The following ARHGEF10 variants were observed in gnomAD, a reference collection of about 807,000 sequenced individuals.
The protein encoded by ARHGEF10 is Rho guanine nucleotide exchange factor 10, also known as Rho guanine nucleotide exchange factor (GEF) 10.
A neutral mutation model predicts 147.4 loss-of-function variants in ARHGEF10; 140 were observed. That is an observed-to-expected ratio of 0.95 (90% CI 0.83 to 1.09). The LOEUF (loss-of-function observed/expected upper bound fraction) is 1.09, where lower values mean the gene tolerates loss of function less well. ARHGEF10 is among the 50% of genes least tolerant of loss of function. The pLI, the probability that ARHGEF10 is intolerant of heterozygous loss-of-function variation, is 0.00. For missense variants in ARHGEF10, 2,222 were observed against 1,752.7 expected (o/e 1.27, Z -4.78); for synonymous variants, 902 against 695.8 (o/e 1.30, Z -4.67).
At chr8:1,854,474 A>G (rs1018346224) in intron 2 of ARHGEF10, among the ~76,000 whole-genome samples, 2 of 152,216 alleles carry the variant, frequency 1.3e-5, no homozygotes, top group African/African-American at 2.4e-5. Context: ...TGTAACACAC[A>G]TCATTCTGCA....
chr8:1,945,846 G>T (rs754650333), intron 27 of ARHGEF10, 191 bp downstream of exon 27: 11 of 839,786 alleles, frequency 1.3e-5, no homozygotes, highest in African/African-American at 3.8e-5. Context: ...CCACTTTAGC[G>T]CTTCCCGGTG....
intron 15 of ARHGEF10, among the ~76,000 whole-genome samples, chr8:1,900,037 T>G (rs562703747): frequency 3.3e-5 from 5 of 152,378 alleles, no homozygotes; most frequent in African/African-American, 1.2e-4. Context: ...CTGACTGTGT[T>G]GTGAGGTCAC....
At chr8:1,926,510 C>T (rs549446946) in intron 23 of ARHGEF10, 47 bp downstream of exon 23, 28 of 1,542,834 alleles carry the variant, frequency 1.8e-5, no homozygotes, top group East Asian at 1.3e-4. Context: ...AGAGAATCAA[C>T]GTTCATGGTC....
At chr8:1,910,583 TC>T (rs1249758803) in intron 18 of ARHGEF10, among the ~76,000 whole-genome samples, 1 of 152,140 alleles carries the variant, frequency 6.6e-6, no homozygotes, top group Non-Finnish European at 1.5e-5. Flanking sequence ...AAAGAGCTGT[TC>T]TGGGGGGTGG....
chr8:1,867,679 G>A (rs1479909926), intron 6 of ARHGEF10, among the ~76,000 whole-genome samples: 1 of 152,194 alleles, frequency 6.6e-6, no homozygotes, highest in African/African-American at 2.4e-5. Context: ...AAGGCTGAAA[G>A]ATTTTTAGCT....
chr8:1,932,652 C>G (rs774560797), intron 25 of ARHGEF10, among the ~76,000 whole-genome samples: 2 of 152,234 alleles, frequency 1.3e-5, no homozygotes, highest in Non-Finnish European at 2.9e-5. Flanking sequence ...CCCTACAACA[C>G]TTTTAGCCTA....
At chr8:1,930,681 G>A (rs1159933490) in intron 25 of ARHGEF10, among the ~76,000 whole-genome samples, 1 of 152,190 alleles carries the variant, frequency 6.6e-6, no homozygotes, top group East Asian at 1.9e-4. Flanking sequence ...CCAGAGCCTG[G>A]GGTGTTATTT....
chr8:1,904,858 C>T (rs1287415909), intron 16 of ARHGEF10, among the ~76,000 whole-genome samples: 2 of 152,164 alleles, frequency 1.3e-5, no homozygotes, highest in African/African-American at 4.8e-5. Context: ...CAGTGGCTCA[C>T]GCCTGTAATC....
At position 1,883,649 on chromosome 8, in the gene ARHGEF10, C is replaced by T. The variant is rs1011696547; in HGVS notation, c.1075+900C>T. Among the ~76,000 whole-genome samples, 6 of 152,092 alleles carry T rather than the reference C, an allele frequency of 3.9e-5. No homozygotes were observed. In the East Asian group the frequency reaches 5.8e-4, roughly 15 times the overall value. Reference sequence around the variant, plus strand: ...GGTGGGGGTAAGCTGTCAGCATCCCCGAGGGGTTTATTTGGTGATGGAGAC... The same window carrying T: ...GGTGGGGGTAAGCTGTCAGCATCCCTGAGGGGTTTATTTGGTGATGGAGAC... On this transcript the variant is annotated intron_variant, in intron 10 of 28. Transcript: ENST00000349830.
intron 26 of ARHGEF10, among the ~76,000 whole-genome samples, chr8:1,939,087 C>G (rs545836249): frequency 1.1e-4 from 16 of 152,034 alleles, no homozygotes; most frequent in African/African-American, 3.9e-4. Flanking sequence ...TCCCCAGACA[C>G]CCCTGAACAC....
chr8:1,868,565 A>T (rs1406262357), intron 6 of ARHGEF10, among the ~76,000 whole-genome samples: 2 of 152,176 alleles, frequency 1.3e-5, no homozygotes, highest in Admixed American at 1.3e-4. Flanking sequence ...CTTTTTTATG[A>T]AACGGTTTCA....
At position 1,918,467 on chromosome 8, in the gene ARHGEF10, T is replaced by C. The variant is rs914765676; in HGVS notation, c.2144-4497T>C. ...TAGGTTCACATTTGATGGCTGTGTG[T>C]GTGTGTGTGTGTGTGTGTGTGTGTG... On this transcript the variant is annotated intron_variant, in intron 18 of 28. Transcript: ENST00000349830. Among the ~76,000 whole-genome samples, 997 of 108,072 alleles carry C rather than the reference T, an allele frequency of 9.2e-3. 9 individuals carry two copies. The highest frequency in any genetic ancestry group is 9.8e-3 in the Non-Finnish European group (494 of 50,380). 70.9% of individuals were successfully genotyped at this position (108,072 alleles called of 152,430 possible).
At chr8:1,869,367 G>A (rs749149824) in intron 7 of ARHGEF10, 117 bp downstream of exon 7, 27 of 874,610 alleles carry the variant, frequency 3.1e-5, no homozygotes, top group Non-Finnish European at 4.8e-5. Flanking sequence ...TGTTTTGTAT[G>A]TTGCTTCTAG....
chr8:1,940,865 A>G (rs1326455179), intron 26 of ARHGEF10, among the ~76,000 whole-genome samples: 1 of 152,222 alleles, frequency 6.6e-6, no homozygotes, highest in African/African-American at 2.4e-5. Context: ...AATAATGGGG[A>G]AAAAACCCAC....
rs143508005 is a variant in ARHGEF10, at chr8:1,894,528, G to A, written c.1396G>A (p.Glu466Lys). The change falls in exon 13 of 29, where the codon GAG becomes AAG. Residue 466 changes from glutamate to lysine, a missense_variant. By Grantham distance (56) the Glu-to-Lys change is moderately conservative (BLOSUM62 1). Coordinates refer to ENST00000349830, the MANE Select transcript of ARHGEF10 (RefSeq NM_014629.4). ...FQIALASRVS[E>K]WDSVEMIGDV... ...GATCGCGCTGGCCAGCCGCGTTTCCGAGTGGGACTCCGTGGAAATGATAGG... is the reference window on the plus strand; with the variant it reads ...GATCGCGCTGGCCAGCCGCGTTTCCAAGTGGGACTCCGTGGAAATGATAGG... 1.6e-4 allele frequency: 259 copies of A among 1,614,174 alleles called. No individual in the cohort carries two copies. The highest frequency in any genetic ancestry group is 2.0e-4 in the Non-Finnish European group (241 of 1,180,022).
intron 3 of ARHGEF10, among the ~76,000 whole-genome samples, chr8:1,859,109 T>C (rs1805861217): frequency 7.1e-6 from 1 of 141,298 alleles, no homozygotes; most frequent in Non-Finnish European, 1.6e-5. Context: ...GCCTCTCTGC[T>C]TGCACGGTGT....
intron 1 of ARHGEF10, among the ~76,000 whole-genome samples, chr8:1,841,143 T>TGTA (rs1168509462): frequency 6.6e-6 from 1 of 152,260 alleles, no homozygotes; most frequent in Non-Finnish European, 1.5e-5. Context: ...TGCCCTCTGC[T>TGTA]GTAGCCTTGG....
chr8:1,850,662 C>A (rs1805063033), intron 2 of ARHGEF10, among the ~76,000 whole-genome samples: 1 of 152,174 alleles, frequency 6.6e-6, no homozygotes, highest in South Asian at 2.1e-4. Flanking sequence ...CCTGAGCACA[C>A]TCTTACCGTG....
intron 8 of ARHGEF10, among the ~76,000 whole-genome samples, chr8:1,878,012 A>G (rs1047417677): frequency 2.6e-5 from 4 of 152,176 alleles, no homozygotes; most frequent in African/African-American, 9.6e-5. Context: ...TGGGCTGCCT[A>G]CAATTCTCAT....
Sources: gnomAD v4.1 joint callset for allele counts (sites outside exome capture counted in the v4.1 genomes callset) on GRCh38, gnomAD v4.1.1 for gene constraint, MANE v1.5 for transcripts, NCBI Gene and HGNC (gene_info 2026-07-23, HGNC 2026-07-21) for gene names.